The following TBXAS1 variants were observed in gnomAD, a reference collection of about 807,000 sequenced individuals.
TBXAS1 encodes thromboxane-A synthase.
Under a neutral mutation model 60.7 loss-of-function variants are expected in TBXAS1, and 48 were observed. The ratio of observed to expected loss-of-function variants is 0.79; its 90% CI spans 0.63 to 1.01. TBXAS1 has a LOEUF of 1.01. Among genes scored for constraint, TBXAS1 ranks in the 50% least tolerant of loss-of-function variants. TBXAS1 has a pLI of 0.00. For missense variants in TBXAS1, 685 were observed against 686.3 expected (o/e 1.00, Z 0.02); for synonymous variants, 287 against 269.7 (o/e 1.06, Z -0.63).
intron 3 of TBXAS1, among the ~76,000 whole-genome samples, chr7:139,877,451 C>T (rs1283634163): frequency 6.6e-6 from 1 of 152,178 alleles, no homozygotes; most frequent in Non-Finnish European, 1.5e-5. Context: ...GCAATAGAGT[C>T]TTGCTCTGTC....
chr7:139,830,615 T>C (rs1169253236), intron 1 of TBXAS1, among the ~76,000 whole-genome samples: 2 of 151,656 alleles, frequency 1.3e-5, no homozygotes, highest in Non-Finnish European at 2.9e-5. Context: ...CAAGAGCAAA[T>C]GGTAGCTCCT....
intron 2 of TBXAS1, among the ~76,000 whole-genome samples, chr7:139,872,551 G>A (rs1260470709): frequency 6.6e-6 from 1 of 152,200 alleles, no homozygotes; most frequent in Non-Finnish European, 1.5e-5. Context: ...CTACTTGGGA[G>A]GCTGAGGCAG....
At chr7:140,019,954 C>T in intron 12 of TBXAS1, 71 bp from the exon 13 acceptor site, 2 of 1,482,340 alleles carry the variant, frequency 1.3e-6, no homozygotes, top group Non-Finnish European at 1.9e-6. Context: ...CTTCTTGAAC[C>T]TCCAAGTCTT....
At chr7:139,785,525 C>T (rs1462129875) in intron 3 of TBXAS1, among the ~76,000 whole-genome samples, 1 of 152,030 alleles carries the variant, frequency 6.6e-6, no homozygotes, top group Non-Finnish European at 1.5e-5. Context: ...TTCCATTCCT[C>T]TTCCTTTCTA....
In TBXAS1 at chr7:139,947,923, G is replaced by A. The variant is rs552019454; in HGVS notation, c.451-5445G>A. On this transcript the variant is annotated intron_variant, in intron 5 of 12. Coordinates refer to ENST00000448866, the MANE Select transcript of TBXAS1 (RefSeq NM_001061.7). ...TCTGTCACCCAGGCTGGAGTGCAGT[G>A]GCGTGATCTTGGCTCACTGCAACCT... Among the ~76,000 whole-genome samples the A allele has an allele frequency of 3.9e-5, 6 of 151,910 alleles. No homozygotes were observed. The East Asian group carries it at 1.2e-3, about 29-fold the overall frequency.
chr7:139,991,173 C>T (rs1269034670), intron 9 of TBXAS1, among the ~76,000 whole-genome samples: 1 of 152,162 alleles, frequency 6.6e-6, no homozygotes, highest in Non-Finnish European at 1.5e-5. Flanking sequence ...GATTTTGTTC[C>T]AAAACCTTGT....
chr7:139,914,501 A>T (rs888031729), intron 4 of TBXAS1, among the ~76,000 whole-genome samples: 14 of 152,162 alleles, frequency 9.2e-5, no homozygotes, highest in Non-Finnish European at 4.4e-5. Flanking sequence ...GATCCACCTT[A>T]CTGGGCTGTC....
rs117756451 is a variant in TBXAS1 at position 139,914,579 on chromosome 7, T to C, written c.333+3258T>C. On this transcript the variant is annotated intron_variant, in intron 4 of 12. Coordinates refer to ENST00000448866, the MANE Select transcript of TBXAS1 (RefSeq NM_001061.7). ...CAGTACTTGGCAGGTGACACATTAC[T>C]GCTTCTCACAAGAAAACCCTCCACC... Among the ~76,000 whole-genome samples the C allele has an allele frequency of 5.9e-3, 901 of 152,300 alleles. 8 individuals carry two copies. Among genetic ancestry groups the C allele is most frequent in the South Asian group, 0.027 (129 of 4,822 alleles).
At chr7:139,971,518 T>G (rs1428075224) in intron 9 of TBXAS1, among the ~76,000 whole-genome samples, 4 of 152,310 alleles carry the variant, frequency 2.6e-5, no homozygotes, top group Admixed American at 2.6e-4. Flanking sequence ...CATCTGCCTG[T>G]TCCCGTCCTG....
At chr7:139,805,716 C>A (rs199831731) in intron 4 of TBXAS1, among the ~76,000 whole-genome samples, 8 of 86,358 alleles carry the variant, frequency 9.3e-5, no homozygotes, top group African/African-American at 4.8e-4. Context: ...CTTTCTTTCT[C>A]TCTCTCTCTC....
intron 4 of TBXAS1, among the ~76,000 whole-genome samples, chr7:139,805,851 C>A (rs1336435298): frequency 6.7e-6 from 1 of 148,594 alleles, no homozygotes; most frequent in Non-Finnish European, 1.5e-5. Context: ...ACCTCTGCCT[C>A]TGGGTTCAAG....
At chr7:139,894,720 T>G (rs547476095) in intron 3 of TBXAS1, among the ~76,000 whole-genome samples, 8 of 152,346 alleles carry the variant, frequency 5.3e-5, no homozygotes, top group African/African-American at 1.7e-4. Flanking sequence ...TTTGGGGGTC[T>G]ATGTCCATGT....
Position 140,013,296 on chromosome 7 carries a change from G to A in TBXAS1, c.1227-2427G>A, listed in dbSNP as rs1814762590. ...GCATTAATTTCCTGAAGCCAACAGT[G>A]AAGCTGTTTCTTGGTTCAGAGGTTT... On this transcript the variant is annotated intron_variant, in intron 10 of 12. Coordinates refer to ENST00000448866, the MANE Select transcript of TBXAS1 (RefSeq NM_001061.7). This position sits in a 1 kb window ranked among gnomAD's most constrained non-coding sequence, Gnocchi z 4.2. 6.6e-6 allele frequency among the ~76,000 whole-genome samples: 1 copy of A among 152,310 alleles called. No homozygotes were observed. Among genetic ancestry groups the A allele is most frequent in the Admixed American group, 6.5e-5 (1 of 15,294 alleles).
At chr7:139,809,378 C>A (rs1797973088) in intron 4 of TBXAS1, among the ~76,000 whole-genome samples, 2 of 145,114 alleles carry the variant, frequency 1.4e-5, no homozygotes, top group South Asian at 2.2e-4. Flanking sequence ...ACAGACAGAA[C>A]CAACAGGAGA....
chr7:139,859,868 G>A (rs1800843675), intron 1 of TBXAS1, among the ~76,000 whole-genome samples: 1 of 152,142 alleles, frequency 6.6e-6, no homozygotes, highest in South Asian at 2.1e-4. Flanking sequence ...GCCAGGCATG[G>A]TGGCTGACAC....
At chr7:139,903,349 T>C (rs909319061) in intron 3 of TBXAS1, among the ~76,000 whole-genome samples, 8 of 152,106 alleles carry the variant, frequency 5.3e-5, no homozygotes. Context: ...CATTGACTGA[T>C]GGACATTTGG....
intron 9 of TBXAS1, among the ~76,000 whole-genome samples, chr7:139,992,096 G>T (rs1812951031): frequency 6.6e-6 from 1 of 152,238 alleles, no homozygotes; most frequent in African/African-American, 2.4e-5. Flanking sequence ...TATGGCACAA[G>T]GGGGTATGAT....
chr7:139,952,461 C>A, intron 5 of TBXAS1: 1 of 1,411,242 alleles, frequency 7.1e-7, no homozygotes, highest in South Asian at 1.4e-5. Context: ...ATGAGAAATG[C>A]TCAGAATGAT....
chr7:139,798,082 A>T (rs1407835445), intron 4 of TBXAS1, among the ~76,000 whole-genome samples: 1 of 151,880 alleles, frequency 6.6e-6, no homozygotes, highest in Non-Finnish European at 1.5e-5. Flanking sequence ...TTTTATTTTT[A>T]TTTTTTTTAA....
Sources: allele counts gnomAD v4.1 joint callset (sites outside exome capture counted in the v4.1 genomes callset), GRCh38; gene constraint gnomAD v4.1.1; non-coding constraint Gnocchi (gnomAD v3.1); transcripts MANE v1.5; gene names NCBI Gene and HGNC (gene_info 2026-07-23, HGNC 2026-07-21).